LRBA: variants seen among roughly 807,000 people sequenced by gnomAD.
The protein encoded by LRBA is lipopolysaccharide-responsive and beige-like anchor protein.
In LRBA, 176 loss-of-function variants were observed where a neutral mutation model predicts 330.0. That is an observed-to-expected ratio of 0.53 (90% CI 0.47 to 0.60). LRBA has a LOEUF of 0.60. Among genes scored for constraint, LRBA ranks in the 20% least tolerant of loss-of-function variants. LRBA has a pLI of 0.00. For missense variants in LRBA, 3,259 were observed against 3,444.8 expected, an observed-to-expected ratio of 0.95 and a Z score of 1.35; for synonymous variants, 1,230 against 1,193.0, an observed-to-expected ratio of 1.03 and a Z score of -0.64.
chr4:150,704,371 C>CATT (rs914714803), intron 36 of LRBA, among the ~76,000 whole-genome samples: 54 of 151,370 alleles, frequency 3.6e-4, no homozygotes, highest in East Asian at 1.5e-3. Flanking sequence ...TTATTATTAT[C>CATT]ATTATTATTA....
At chr4:150,985,842 G>A (rs1307718724) in intron 2 of LRBA, among the ~76,000 whole-genome samples, 1 of 151,354 alleles carries the variant, frequency 6.6e-6, no homozygotes, top group Non-Finnish European at 1.5e-5. Flanking sequence ...CATGTTGTTA[G>A]GAGGAAAAAA....
chr4:150,643,903 C>T (rs1778904622), intron 37 of LRBA, among the ~76,000 whole-genome samples: 1 of 151,942 alleles, frequency 6.6e-6, no homozygotes, highest in Non-Finnish European at 1.5e-5. Flanking sequence ...TAGGTACTAT[C>T]TGCTGGTTTT....
rs779604273 is a variant in LRBA, at chr4:150,277,878, C to T, written c.8443G>A (p.Ala2815Thr). ...AYPGCDAGIR[A>T]MALSYDQRCI... ...CTCTGGTCGTAAGACAGCGCCATGG[C>T]CCGGATTCCAGCGTCACATCCTGGA... The change falls in exon 56 of 57, where the codon GCC becomes ACC. Residue 2815 changes from alanine to threonine, a missense_variant. Coordinates refer to ENST00000651943, the MANE Select transcript of LRBA (RefSeq NM_001364905.1). 1.9e-6 allele frequency: 3 copies of T among 1,614,118 alleles called. No homozygotes were observed. The Admixed American group carries it at 5.0e-5, about 27-fold the overall frequency.
At chr4:150,708,648 G>C (rs537326931) in intron 36 of LRBA, among the ~76,000 whole-genome samples, 5 of 151,636 alleles carry the variant, frequency 3.3e-5, no homozygotes, top group Non-Finnish European at 7.4e-5. Flanking sequence ...AAGCTTTATA[G>C]TAAAACATGT....
chr4:150,989,628 A>G (rs190798865), intron 2 of LRBA, among the ~76,000 whole-genome samples: 4 of 152,208 alleles, frequency 2.6e-5, no homozygotes, highest in African/African-American at 7.2e-5. Context: ...AAAGAACTCT[A>G]TGAGATAGAA....
intron 28 of LRBA, among the ~76,000 whole-genome samples, chr4:150,833,572 G>T (rs948526674): frequency 6.6e-6 from 1 of 152,058 alleles, no homozygotes; most frequent in Non-Finnish European, 1.5e-5. Flanking sequence ...TCTATTAATT[G>T]TACAACAGCA....
chr4:150,622,593 GAAGAT>G, intron 37 of LRBA, among the ~76,000 whole-genome samples: 1 of 151,996 alleles, frequency 6.6e-6, no homozygotes, highest in East Asian at 1.9e-4. Flanking sequence ...CAGACACATG[GAAGAT>G]AAGTACTCTT....
chr4:150,472,075 G>A (rs1756199754), intron 42 of LRBA, among the ~76,000 whole-genome samples: 2 of 151,966 alleles, frequency 1.3e-5, no homozygotes, highest in Non-Finnish European at 2.9e-5. Flanking sequence ...GCTGGGAAGT[G>A]CATATAAAAT....
At chr4:150,315,227 C>A (rs1315435933) in intron 51 of LRBA, 4 of 362,148 alleles carry the variant, frequency 1.1e-5, no homozygotes, top group Non-Finnish European at 2.0e-5. Context: ...TCATAACGTG[C>A]CTTGCTCCTG....
At chr4:150,982,254 C>T (rs2149606985) in intron 2 of LRBA, among the ~76,000 whole-genome samples, 1 of 152,172 alleles carries the variant, frequency 6.6e-6, no homozygotes, top group Middle Eastern at 3.4e-3. Context: ...AAGTCTCATT[C>T]TATAATAAAT....
At chr4:150,896,601 T>C (rs747207731) in intron 15 of LRBA, 145 bp from the exon 16 acceptor site, 76 of 495,042 alleles carry the variant, frequency 1.5e-4, no homozygotes, top group South Asian at 1.4e-4. Flanking sequence ...AAACAAAAAT[T>C]TGGGGAAGCA....
chr4:150,790,542 T>G (rs1285625894), intron 34 of LRBA, among the ~76,000 whole-genome samples: 2 of 152,232 alleles, frequency 1.3e-5, no homozygotes, highest in Non-Finnish European at 2.9e-5. Flanking sequence ...CACCTTATAA[T>G]AGAAAGTTAT....
At chr4:150,354,649 A>C (rs1217667981) in intron 47 of LRBA, among the ~76,000 whole-genome samples, 1 of 152,118 alleles carries the variant, frequency 6.6e-6, no homozygotes, top group African/African-American at 2.4e-5. Context: ...TATCATATGA[A>C]GCCTCACACG....
intron 56 of LRBA, among the ~76,000 whole-genome samples, chr4:150,274,876 C>G (rs1240883518): frequency 6.6e-6 from 1 of 152,152 alleles, no homozygotes; most frequent in Non-Finnish European, 1.5e-5. Flanking sequence ...TGGTACCATT[C>G]CTTCTGAAAC....
intron 20 of LRBA, among the ~76,000 whole-genome samples, chr4:150,868,944 A>T (rs1753080624): frequency 6.6e-6 from 1 of 152,220 alleles, no homozygotes; most frequent in Non-Finnish European, 1.5e-5. Flanking sequence ...TCTCAAAAAA[A>T]AATAATGAAA....
At chr4:150,628,975 G>T (rs1471208976) in intron 37 of LRBA, among the ~76,000 whole-genome samples, 1 of 152,198 alleles carries the variant, frequency 6.6e-6, no homozygotes, top group African/African-American at 2.4e-5. Context: ...ATAGCTCAGT[G>T]TAGCCTCAAA....
chr4:150,486,738 C>T (rs1472243195), intron 42 of LRBA, among the ~76,000 whole-genome samples: 2 of 151,714 alleles, frequency 1.3e-5, no homozygotes, highest in Non-Finnish European at 2.9e-5. Context: ...TAGATCTCTT[C>T]AACTATTCCT....
At chr4:150,419,966 G>A (rs1011459427) in intron 46 of LRBA, among the ~76,000 whole-genome samples, 4 of 149,368 alleles carry the variant, frequency 2.7e-5, no homozygotes, top group Admixed American at 2.0e-4. Context: ...CCCAGGCACC[G>A]TGGCTAAGGC....
At chr4:150,571,965 T>C (rs1242804148) in intron 40 of LRBA, among the ~76,000 whole-genome samples, 1 of 151,986 alleles carries the variant, frequency 6.6e-6, no homozygotes, top group Non-Finnish European at 1.5e-5. Flanking sequence ...TCTCTTCGTA[T>C]TACTTAGGTA....
Sources: gnomAD v4.1 joint callset for allele counts (sites outside exome capture counted in the v4.1 genomes callset) on GRCh38, gnomAD v4.1.1 for gene constraint, MANE v1.5 for transcripts, NCBI Gene and HGNC (gene_info 2026-07-23, HGNC 2026-07-21) for gene names.